ATP11A: variants seen among roughly 807,000 people sequenced by gnomAD.
ATP11A encodes ATPase phospholipid transporting 11A.
In ATP11A, 81 loss-of-function variants were observed where a neutral mutation model predicts 154.4. That is an observed-to-expected ratio of 0.52 (90% CI 0.44 to 0.63). The LOEUF is 0.63. ATP11A is among the 30% of genes least tolerant of loss of function. The pLI is 0.00. For missense variants in ATP11A, 1,316 were observed against 1,474.3 expected (o/e 0.89, Z 1.76); for synonymous variants, 623 against 585.9 (o/e 1.06, Z -0.91).
At chr13:112,849,451 A>C (rs1481420148) in intron 17 of ATP11A, among the ~76,000 whole-genome samples, 1 of 152,216 alleles carries the variant, frequency 6.6e-6, no homozygotes, top group East Asian at 1.9e-4. Context: ...TTATTTCCAA[A>C]AGCTTCTGCT....
chr13:112,761,380 T>A (rs1022636636), intron 1 of ATP11A, among the ~76,000 whole-genome samples: 1 of 152,238 alleles, frequency 6.6e-6, no homozygotes, highest in African/African-American at 2.4e-5. Context: ...TCAGATGGAA[T>A]CTTCTCTCTG....
At chr13:112,700,207 C>T (rs1006501424) in intron 1 of ATP11A, among the ~76,000 whole-genome samples, 7 of 152,164 alleles carry the variant, frequency 4.6e-5, no homozygotes, top group Non-Finnish European at 5.9e-5. Context: ...GGAAATTACA[C>T]GTTCAACAAA....
At chr13:112,701,039 C>G (rs1024071816) in intron 1 of ATP11A, among the ~76,000 whole-genome samples, 1 of 152,222 alleles carries the variant, frequency 6.6e-6, no homozygotes, top group African/African-American at 2.4e-5. Flanking sequence ...CCCCAGGTCG[C>G]TGCGGCCCTT....
At chr13:112,827,714 T>TAGAC (rs1358897669) in intron 12 of ATP11A, among the ~76,000 whole-genome samples, 1 of 152,236 alleles carries the variant, frequency 6.6e-6, no homozygotes, top group Non-Finnish European at 1.5e-5. Flanking sequence ...AAGGCCACTT[T>TAGAC]AGACAGGTAG....
At chr13:112,836,131 C>A (rs376736129) in intron 15 of ATP11A, 47 bp from the exon 16 acceptor site, 1 of 1,397,010 alleles carries the variant, frequency 7.2e-7, no homozygotes, top group Non-Finnish European at 1.0e-6. Context: ...GATGGAATCA[C>A]GTGAGCACCC....
intron 1 of ATP11A, among the ~76,000 whole-genome samples, chr13:112,769,310 TCA>T (rs1491472098): frequency 6.6e-6 from 1 of 152,208 alleles, no homozygotes; most frequent in Non-Finnish European, 1.5e-5. Flanking sequence ...TCTCTGAGGC[TCA>T]GAGGCACAGC....
Position 112,819,352 on chromosome 13 carries a change from A to G in ATP11A, c.619A>G (p.Ile207Val). 3.1e-6 allele frequency: 5 copies of G among 1,614,206 alleles called. No individual in the cohort carries two copies. Among genetic ancestry groups the G allele is most frequent in the East Asian group, 2.2e-5 (1 of 44,868 alleles). The change falls in exon 7 of 30, where the codon ATC becomes GTC. Residue 207 changes from isoleucine to valine, a missense_variant. By Grantham distance (29) the Ile-to-Val change is conservative. Transcript: ENST00000375645. ...DTKGFHTEED[I>V]GGLHATIECE... Reference sequence around the variant, plus strand: ...CAAAGGCTTCCACACAGAGGAGGATATCGGCGGACTTCACGCCACCATCGA... The same window carrying G: ...CAAAGGCTTCCACACAGAGGAGGATGTCGGCGGACTTCACGCCACCATCGA...
intron 1 of ATP11A, among the ~76,000 whole-genome samples, chr13:112,769,054 G>A (rs1267564147): frequency 1.3e-5 from 2 of 152,186 alleles, no homozygotes; most frequent in African/African-American, 4.8e-5. Flanking sequence ...GTTTGTGGTC[G>A]GGGGTGGAAC....
chr13:112,816,340 C>G, intron 6 of ATP11A, 129 bp downstream of exon 6: 1 of 1,185,488 alleles, frequency 8.4e-7, no homozygotes, highest in Non-Finnish European at 1.2e-6. Context: ...GGGAGTTACA[C>G]CAGCCATGTT....
At chr13:112,779,780 C>G (rs1410095629) in intron 1 of ATP11A, among the ~76,000 whole-genome samples, 1 of 152,152 alleles carries the variant, frequency 6.6e-6, no homozygotes, top group Non-Finnish European at 1.5e-5. Flanking sequence ...TGGCGCTTGC[C>G]TGTAATCCCA....
intron 1 of ATP11A, among the ~76,000 whole-genome samples, chr13:112,732,723 C>A (rs1298890587): frequency 6.6e-6 from 1 of 152,136 alleles, no homozygotes; most frequent in Non-Finnish European, 1.5e-5. Flanking sequence ...GCGATTCTTA[C>A]GCCTCATCCT....
intron 1 of ATP11A, among the ~76,000 whole-genome samples, chr13:112,725,085 C>T (rs539191555): frequency 6.6e-6 from 1 of 152,178 alleles, no homozygotes; most frequent in Admixed American, 6.5e-5. Flanking sequence ...CCGTAGGTTG[C>T]CGGCCATGCA....
chr13:112,818,054 C>T (rs545793365), intron 6 of ATP11A, among the ~76,000 whole-genome samples: 56 of 152,340 alleles, frequency 3.7e-4, no homozygotes, highest in African/African-American at 1.3e-3. Flanking sequence ...AGAAAATAAG[C>T]GCCCCCTGAT....
intron 1 of ATP11A, among the ~76,000 whole-genome samples, chr13:112,729,613 C>T (rs557812138): frequency 6.6e-6 from 1 of 152,380 alleles, no homozygotes; most frequent in Non-Finnish European, 1.5e-5. Flanking sequence ...AGTCCCCCCA[C>T]CTCGGCATTG....
intron 17 of ATP11A, among the ~76,000 whole-genome samples, chr13:112,848,844 C>T (rs1383214954): frequency 6.6e-6 from 1 of 152,180 alleles, no homozygotes; most frequent in Non-Finnish European, 1.5e-5. Context: ...TGCACCACCA[C>T]GCCTGGCTAA....
At chr13:112,815,821 C>T (rs1256093500) in intron 5 of ATP11A, among the ~76,000 whole-genome samples, 2 of 152,158 alleles carry the variant, frequency 1.3e-5, no homozygotes, top group Non-Finnish European at 2.9e-5. Flanking sequence ...CACTCCAACT[C>T]GTCGTCTTGG....
At chr13:112,841,057 G>A (rs577654468) in intron 16 of ATP11A, among the ~76,000 whole-genome samples, 3 of 152,400 alleles carry the variant, frequency 2.0e-5, no homozygotes, top group African/African-American at 7.2e-5. Flanking sequence ...CCGTCACCGC[G>A]CCGTAGCACG....
At chr13:112,780,398 C>T (rs761109229) in intron 1 of ATP11A, among the ~76,000 whole-genome samples, 5 of 151,690 alleles carry the variant, frequency 3.3e-5, no homozygotes, top group Middle Eastern at 3.2e-3. Flanking sequence ...TCTCTGCGTT[C>T]GCCTTTTCTG....
At position 112,861,647 on chromosome 13, in the gene ATP11A, A is replaced by G. The variant is rs904466048; in HGVS notation, c.2856-793A>G. 2.6e-5 allele frequency among the ~76,000 whole-genome samples: 4 copies of G among 152,224 alleles called. No homozygotes were observed. The East Asian group carries it at 7.7e-4, about 29-fold the overall frequency. On this transcript the variant is annotated intron_variant, in intron 24 of 29. Coordinates refer to ENST00000375645, the MANE Select transcript of ATP11A (RefSeq NM_015205.3). ...GTGCATCGGCCTCACTGCCCTCATCAGAATATTTAGCCATTCTGTGGGATC... is the reference window on the plus strand; with the variant it reads ...GTGCATCGGCCTCACTGCCCTCATCGGAATATTTAGCCATTCTGTGGGATC...
Sources: allele counts gnomAD v4.1 joint callset (sites outside exome capture counted in the v4.1 genomes callset), GRCh38; gene constraint gnomAD v4.1.1; transcripts MANE v1.5; gene names NCBI Gene and HGNC (gene_info 2026-07-23, HGNC 2026-07-21).